Variants in ANKS1B observed in about 807,000 individuals in gnomAD.
ANKS1B encodes the protein ankyrin repeat and sterile alpha motif domain containing 1B.
A neutral mutation model predicts 148.3 loss-of-function variants in ANKS1B; 36 were observed. The ratio of observed to expected loss-of-function variants is 0.24; its 90% CI spans 0.19 to 0.32. The LOEUF (loss-of-function observed/expected upper bound fraction) is 0.32, where lower values mean the gene tolerates loss of function less well. Ranked by LOEUF, ANKS1B falls within the 10% of genes least tolerant of loss-of-function variation. ANKS1B has a pLI of 1.00. For missense variants in ANKS1B, 1,157 were observed against 1,542.6 expected, an observed-to-expected ratio of 0.75 and a Z score of 4.19; for synonymous variants, 542 against 560.8, an observed-to-expected ratio of 0.97 and a Z score of 0.47.
At chr12:98,810,545 G>A in intron 19 of ANKS1B, among the ~76,000 whole-genome samples, 1 of 152,178 alleles carries the variant, frequency 6.6e-6, no homozygotes, top group East Asian at 1.9e-4. Flanking sequence ...CTTGCAGGCT[G>A]TAACCCTTTA....
At chr12:99,867,416 T>A (rs989084553) in intron 1 of ANKS1B, among the ~76,000 whole-genome samples, 1 of 152,110 alleles carries the variant, frequency 6.6e-6, no homozygotes, top group Admixed American at 6.6e-5. Context: ...TACCCGAGAC[T>A]GGGAAATTTA....
At chr12:98,997,213 T>C (rs904804905) in intron 17 of ANKS1B, among the ~76,000 whole-genome samples, 5 of 152,144 alleles carry the variant, frequency 3.3e-5, no homozygotes, top group African/African-American at 9.7e-5. Flanking sequence ...TATACCAAGC[T>C]ATTGGTAAAA....
At chr12:99,623,624 G>A (rs554346791) in intron 9 of ANKS1B, among the ~76,000 whole-genome samples, 3 of 151,750 alleles carry the variant, frequency 2.0e-5, no homozygotes, top group Non-Finnish European at 4.4e-5. Context: ...TCTTATCTGA[G>A]AGCCATATCA....
intron 1 of ANKS1B, among the ~76,000 whole-genome samples, chr12:99,886,744 A>T (rs1205803114): frequency 1.3e-5 from 2 of 152,220 alleles, no homozygotes; most frequent in Non-Finnish European, 2.9e-5. Flanking sequence ...AAGTCAAATT[A>T]ACAAATTAGT....
intron 8 of ANKS1B, among the ~76,000 whole-genome samples, chr12:99,663,625 C>T (rs1044827336): frequency 6.6e-6 from 1 of 151,964 alleles, no homozygotes; most frequent in Non-Finnish European, 1.5e-5. Context: ...AGTCTTGATG[C>T]CAATGAGTAC....
chr12:99,833,859 C>T (rs966769209), intron 1 of ANKS1B, among the ~76,000 whole-genome samples: 10 of 152,156 alleles, frequency 6.6e-5, no homozygotes, highest in Non-Finnish European at 8.8e-5. Flanking sequence ...TTATAATACA[C>T]ACATTTTTAA....
At chr12:98,867,816 C>T (rs533327210) in intron 17 of ANKS1B, among the ~76,000 whole-genome samples, 31 of 151,130 alleles carry the variant, frequency 2.1e-4, no homozygotes, top group African/African-American at 4.6e-4. Flanking sequence ...GAGCCGAGAT[C>T]GCACCACTAC....
At position 99,153,756 on chromosome 12, in the gene ANKS1B, C is replaced by T. The variant is rs377161760; in HGVS notation, c.2526+533G>A. ...CAATCAGCAAGTGGAAGTAAACGCTCTCCATAATTGACCATCTGAAGCAGT... is the reference window on the plus strand; with the variant it reads ...CAATCAGCAAGTGGAAGTAAACGCTTTCCATAATTGACCATCTGAAGCAGT... On this transcript the variant is annotated intron_variant, in intron 15 of 26. Transcript: ENST00000683438. Among the ~76,000 whole-genome samples the T allele has an allele frequency of 3.7e-4, 56 of 152,268 alleles. 1 individual carries two copies. In the East Asian group the frequency reaches 0.01, roughly 28 times the overall value.
chr12:98,911,216 TAA>T (rs1019360010), intron 17 of ANKS1B, among the ~76,000 whole-genome samples: 2 of 152,074 alleles, frequency 1.3e-5, no homozygotes, highest in Non-Finnish European at 2.9e-5. Context: ...ACTCTGGGGT[TAA>T]AAAAATGGAT....
chr12:99,769,166 T>C (rs1032925490), intron 8 of ANKS1B, among the ~76,000 whole-genome samples: 16 of 152,116 alleles, frequency 1.1e-4, no homozygotes, highest in African/African-American at 3.9e-4. Context: ...CAAAAAATTC[T>C]AGTTTTGTGG....
chr12:99,845,136 G>A (rs2086431508), intron 1 of ANKS1B, among the ~76,000 whole-genome samples: 1 of 152,194 alleles, frequency 6.6e-6, no homozygotes, highest in Admixed American at 6.5e-5. Context: ...TTTGGGCTGA[G>A]ATGTGGGGTT....
chr12:98,921,402 C>T (rs1378661328), intron 17 of ANKS1B, among the ~76,000 whole-genome samples: 1 of 152,196 alleles, frequency 6.6e-6, no homozygotes. Flanking sequence ...TCTCAGATCT[C>T]ATGCATGCAT....
intron 1 of ANKS1B, among the ~76,000 whole-genome samples, chr12:99,943,068 C>T (rs1408684383): frequency 6.6e-6 from 1 of 152,114 alleles, no homozygotes; most frequent in Non-Finnish European, 1.5e-5. Context: ...GGAACTGTTG[C>T]ATACATTTTG....
At chr12:98,835,456 G>A (rs1409357385) in intron 17 of ANKS1B, among the ~76,000 whole-genome samples, 1 of 152,196 alleles carries the variant, frequency 6.6e-6, no homozygotes, top group African/African-American at 2.4e-5. Context: ...TTGTCATAAA[G>A]TCAATCATGT....
intron 1 of ANKS1B, among the ~76,000 whole-genome samples, chr12:99,830,036 C>T (rs1603188836): frequency 6.6e-6 from 1 of 152,152 alleles, no homozygotes; most frequent in African/African-American, 2.4e-5. Context: ...ACTAACAAGT[C>T]TTCACTATTC....
chr12:99,026,354 C>G (rs144928157), intron 17 of ANKS1B, among the ~76,000 whole-genome samples: 2 of 152,126 alleles, frequency 1.3e-5, no homozygotes, highest in African/African-American at 2.4e-5. Context: ...TTCACACTTA[C>G]GCTGTTATTT....
chr12:99,777,089 G>A (rs978631544), intron 6 of ANKS1B, among the ~76,000 whole-genome samples: 5 of 152,190 alleles, frequency 3.3e-5, no homozygotes, highest in African/African-American at 7.2e-5. Flanking sequence ...CTGCCAAAGC[G>A]TTCAGCCCAC....
intron 12 of ANKS1B, among the ~76,000 whole-genome samples, chr12:99,357,537 A>G (rs1319298256): frequency 6.6e-6 from 1 of 152,158 alleles, no homozygotes; most frequent in Non-Finnish European, 1.5e-5. Flanking sequence ...TAATATACAG[A>G]AAGCACCTAG....
chr12:99,100,527 G>T (rs545083579), intron 15 of ANKS1B, among the ~76,000 whole-genome samples: 4 of 152,240 alleles, frequency 2.6e-5, no homozygotes, highest in African/African-American at 9.6e-5. Context: ...CATATAAAGA[G>T]ATTATTTTTA....
Sources: gnomAD v4.1 joint callset for allele counts (sites outside exome capture counted in the v4.1 genomes callset) on GRCh38, gnomAD v4.1.1 for gene constraint, MANE v1.5 for transcripts, NCBI Gene and HGNC (gene_info 2026-07-23, HGNC 2026-07-21) for gene names.